Variants in ZNF569 observed in about 807,000 individuals in gnomAD.
The protein encoded by ZNF569 is DNA-binding protein.
Under a neutral mutation model 56.3 loss-of-function variants are expected in ZNF569, and 38 were observed. The observed-to-expected ratio is 0.68, with a 90% CI of 0.52 to 0.88. The LOEUF is 0.88. ZNF569 is among the 40% of genes least tolerant of loss of function. ZNF569 has a pLI of 0.00. For missense variants in ZNF569, 666 were observed against 809.2 expected, an observed-to-expected ratio of 0.82 and a Z score of 2.15; for synonymous variants, 241 against 262.9, an observed-to-expected ratio of 0.92 and a Z score of 0.81.
At chr19:37,427,260 T>G (rs1390121482) in intron 3 of ZNF569, among the ~76,000 whole-genome samples, 1 of 151,590 alleles carries the variant, frequency 6.6e-6, no homozygotes, top group Non-Finnish European at 1.5e-5. Context: ...GAGGTTGCAG[T>G]GAGTCGTGAT....
At chr19:37,468,068 C>A, upstream of ZNF569, 3 of 655,250 alleles carry the variant, frequency 4.6e-6, no homozygotes, top group Non-Finnish European at 7.3e-6. Context: ...CTATGCCTTT[C>A]GTGTTTTTTT....
rs1277767109 is a variant in ZNF569, at chr19:37,411,578, C to A, written c.*1019G>T. On this transcript the variant is annotated 3_prime_UTR_variant, in exon 6 of 6. Coordinates refer to ENST00000316950, the MANE Select transcript of ZNF569 (RefSeq NM_152484.3). ...GGCCAATACACCAAAATTCAACAGACTATTCCATGTTTACATGTTTTTTAA... is the reference window on the plus strand; with the variant it reads ...GGCCAATACACCAAAATTCAACAGAATATTCCATGTTTACATGTTTTTTAA... 6.6e-6 allele frequency: 1 copy of A among 152,138 alleles called. No homozygotes were observed. The highest frequency in any genetic ancestry group is 6.5e-5 in the Admixed American group (1 of 15,282). The allele number at this position is 152,138 out of a possible 1,614,324, so 9.4% of individuals were successfully genotyped here.
chr19:37,427,312 G>T (rs984901751), intron 3 of ZNF569, among the ~76,000 whole-genome samples: 9 of 151,138 alleles, frequency 6.0e-5, no homozygotes, highest in Non-Finnish European at 1.3e-4. Flanking sequence ...GCAAGGCCCT[G>T]TCTCAAAAAA....
intron 2 of ZNF569, among the ~76,000 whole-genome samples, chr19:37,456,369 T>C (rs2041670508): frequency 6.6e-6 from 1 of 152,194 alleles, no homozygotes; most frequent in African/African-American, 2.4e-5. Flanking sequence ...TTCTCTACTT[T>C]CTCTTACGTA....
intron 3 of ZNF569, among the ~76,000 whole-genome samples, chr19:37,429,898 A>G (rs2041197324): frequency 6.6e-6 from 1 of 152,206 alleles, no homozygotes; most frequent in African/African-American, 2.4e-5. Context: ...AAGGATGTAG[A>G]AAAATGAATA....
At chr19:37,423,393 A>AT in intron 5 of ZNF569, among the ~76,000 whole-genome samples, 1 of 152,016 alleles carries the variant, frequency 6.6e-6, no homozygotes, top group South Asian at 2.1e-4. Context: ...TCCAAATTCT[A>AT]TTTATAAAAC....
chr19:37,427,775 T>G (rs996057236), intron 3 of ZNF569: 3 of 511,502 alleles, frequency 5.9e-6, no homozygotes, highest in Non-Finnish European at 1.2e-5. Context: ...AATCCAGGGG[T>G]TTTTAATATT....
intron 3 of ZNF569, among the ~76,000 whole-genome samples, chr19:37,426,796 G>A (rs1275975592): frequency 6.6e-6 from 1 of 152,184 alleles, no homozygotes; most frequent in East Asian, 1.9e-4. Flanking sequence ...TATTGTTCAT[G>A]AGATCAGGAG....
intron 2 of ZNF569, among the ~76,000 whole-genome samples, chr19:37,458,524 T>C (rs2041709072): frequency 6.6e-6 from 1 of 152,236 alleles, no homozygotes; most frequent in Non-Finnish European, 1.5e-5. Context: ...AGAACAACTT[T>C]ATCATTTGAT....
intron 3 of ZNF569, among the ~76,000 whole-genome samples, chr19:37,439,622 G>A (rs2041370831): frequency 6.6e-6 from 1 of 152,134 alleles, no homozygotes; most frequent in African/African-American, 2.4e-5. Context: ...TTGCTTCCTT[G>A]TTTATTCACA....
intron 3 of ZNF569, among the ~76,000 whole-genome samples, chr19:37,433,980 G>A (rs918477213): frequency 6.6e-6 from 1 of 152,180 alleles, no homozygotes; most frequent in African/African-American, 2.4e-5. Context: ...TAATTGTGGT[G>A]TGTAAACTAC....
chr19:37,461,719 T>C (rs2146977472), intron 2 of ZNF569, among the ~76,000 whole-genome samples: 1 of 152,274 alleles, frequency 6.6e-6, no homozygotes, highest in Non-Finnish European at 1.5e-5. Flanking sequence ...TTCACTCTCT[T>C]CCTATCCTCA....
At chr19:37,458,511 T>C (rs954835912) in intron 2 of ZNF569, among the ~76,000 whole-genome samples, 22 of 152,236 alleles carry the variant, frequency 1.4e-4, no homozygotes, top group African/African-American at 3.9e-4. Context: ...AGAGATCAGA[T>C]TAAGAACAAC....
At chr19:37,428,820 G>A (rs773008185) in intron 3 of ZNF569, among the ~76,000 whole-genome samples, 14 of 151,806 alleles carry the variant, frequency 9.2e-5, no homozygotes, top group Admixed American at 2.0e-4. Flanking sequence ...AACTACAGGC[G>A]TGCGCCACCA....
At chr19:37,467,838 G>A, upstream of ZNF569, 1 of 1,531,158 alleles carries the variant, frequency 6.5e-7, no homozygotes, top group Non-Finnish European at 8.8e-7. Flanking sequence ...CCATGGTCGC[G>A]TTTTATATTC....
At chr19:37,460,420 C>T (rs147081396) in intron 2 of ZNF569, among the ~76,000 whole-genome samples, 4 of 151,894 alleles carry the variant, frequency 2.6e-5, no homozygotes, top group East Asian at 1.9e-4. Context: ...TGGGATTACA[C>T]GCATGAGCCA....
intron 3 of ZNF569, among the ~76,000 whole-genome samples, chr19:37,429,059 A>G (rs2041183225): frequency 6.6e-6 from 1 of 152,212 alleles, no homozygotes; most frequent in Non-Finnish European, 1.5e-5. Context: ...GAAAATCCCA[A>G]CAGTGCAATA....
chr19:37,414,600 G>A (rs982082136), intron 5 of ZNF569, among the ~76,000 whole-genome samples, 181 bp from the exon 6 acceptor site: 2 of 151,962 alleles, frequency 1.3e-5, no homozygotes, highest in African/African-American at 4.8e-5. Flanking sequence ...AGGAAATTCA[G>A]GAAAGGAAAT....
chr19:37,462,018 T>C (rs1019641515), intron 2 of ZNF569, among the ~76,000 whole-genome samples: 3 of 152,130 alleles, frequency 2.0e-5, no homozygotes, highest in Non-Finnish European at 4.4e-5. Context: ...CTATTCTCTG[T>C]CCCAATCTCT....
Sources: allele counts gnomAD v4.1 joint callset (sites outside exome capture counted in the v4.1 genomes callset), GRCh38; gene constraint gnomAD v4.1.1; transcripts MANE v1.5; gene names NCBI Gene and HGNC (gene_info 2026-07-23, HGNC 2026-07-21).